The following GLG1 variants were observed in gnomAD, a reference collection of about 807,000 sequenced individuals.
GLG1 encodes golgi glycoprotein 1, also known as Golgi apparatus protein 1.
GLG1 carries 38 observed loss-of-function variants against 160.5 expected under a neutral mutation model. That is an observed-to-expected ratio of 0.24 (90% CI 0.18 to 0.31). The LOEUF is 0.31. GLG1 is among the 10% of genes least tolerant of loss of function. The pLI is 1.00. For synonymous variants in GLG1, 644 were observed against 543.4 expected (o/e 1.19, Z -2.57); for missense variants, 1,373 against 1,505.2 (o/e 0.91, Z 1.45).
intron 18 of GLG1, among the ~76,000 whole-genome samples, chr16:74,466,225 G>C (rs74490506): frequency 0.037 from 5,671 of 152,220 alleles, 129 homozygotes; most frequent in Middle Eastern, 0.058. Flanking sequence ...AAAGACTACT[G>C]GATGCTAGAT....
At chr16:74,509,531 T>C (rs964333504) in intron 2 of GLG1, among the ~76,000 whole-genome samples, 5 of 151,966 alleles carry the variant, frequency 3.3e-5, no homozygotes, top group African/African-American at 9.7e-5. Flanking sequence ...TTTCTAGGCA[T>C]ATTTATCTTC....
intron 12 of GLG1, 43 bp downstream of exon 12, chr16:74,477,353 C>T (rs761885706): frequency 4.8e-6 from 7 of 1,459,958 alleles, no homozygotes; most frequent in African/African-American, 4.2e-5. Context: ...TAAACATTAA[C>T]ATCATCATTA....
intron 9 of GLG1, 65 bp from the exon 10 acceptor site, chr16:74,483,189 A>T: frequency 1.1e-6 from 1 of 924,046 alleles, no homozygotes; most frequent in Non-Finnish European, 1.8e-6. Flanking sequence ...TCAATATAGT[A>T]TTTCCCTGGT....
chr16:74,475,119 T>C (rs1334878282), intron 12 of GLG1, among the ~76,000 whole-genome samples: 1 of 131,038 alleles, frequency 7.6e-6, no homozygotes, highest in Non-Finnish European at 1.5e-5. Flanking sequence ...ATCGTGCCAC[T>C]GCACTGCAGC....
intron 2 of GLG1, 73 bp from the exon 3 acceptor site, chr16:74,508,998 A>C: frequency 1.4e-6 from 1 of 701,168 alleles, no homozygotes; most frequent in Non-Finnish European, 2.6e-6. Context: ...TATCAACGTT[A>C]AATGACAAAA....
chr16:74,532,201 T>A lies in GLG1; in HGVS notation c.439-48A>T, dbSNP rs539619912. 66 of 667,076 alleles carry A rather than the reference T, an allele frequency of 9.9e-5. No individual in the cohort carries two copies. In the Admixed American group the frequency reaches 1.6e-3, roughly 16 times the overall value. The allele number at this position is 667,076 out of a possible 1,614,324, so 41.3% of individuals were successfully genotyped here. On this transcript the variant is annotated intron_variant, in intron 1 of 25. Coordinates refer to ENST00000422840, the MANE Select transcript of GLG1 (RefSeq NM_001145667.2). The stretch of plus-strand genomic sequence containing the variant: ...GATGATGTAAAAAAAAAAATATATA[T>A]ATATATATATAGAGAACCTTTCAAG...
intron 1 of GLG1, among the ~76,000 whole-genome samples, chr16:74,553,542 G>A (rs1220544237): frequency 2.1e-5 from 3 of 141,942 alleles, no homozygotes; most frequent in African/African-American, 5.2e-5. Context: ...GCACGATCTC[G>A]GCTCACTGCC....
At chr16:74,474,701 A>G in intron 12 of GLG1, 69 bp from the exon 13 acceptor site, 1 of 803,028 alleles carries the variant, frequency 1.2e-6, no homozygotes, top group Non-Finnish European at 2.3e-6. Flanking sequence ...GGGAGATATC[A>G]GCGTCATGAC....
intron 4 of GLG1, 22 bp from the exon 5 acceptor site, chr16:74,496,666 T>C: frequency 6.4e-7 from 1 of 1,551,588 alleles, no homozygotes; most frequent in Non-Finnish European, 8.9e-7. Context: ...AGGATATTAA[T>C]ATTTTAAAAC....
intron 10 of GLG1, among the ~76,000 whole-genome samples, chr16:74,482,743 A>G (rs1178046007): frequency 6.6e-6 from 1 of 152,208 alleles, no homozygotes; most frequent in African/African-American, 2.4e-5. Context: ...CATACTTCTT[A>G]CTAGACAGAT....
At chr16:74,513,088 C>A (rs1489268002) in intron 2 of GLG1, among the ~76,000 whole-genome samples, 2 of 152,078 alleles carry the variant, frequency 1.3e-5, no homozygotes, top group Non-Finnish European at 2.9e-5. Flanking sequence ...ACATTGAATA[C>A]CGCAGTTCAT....
intron 22 of GLG1, 65 bp from the exon 23 acceptor site, chr16:74,459,854 CTTTTTTTTTTTTA>C: frequency 1.6e-6 from 1 of 642,612 alleles, no homozygotes; most frequent in Non-Finnish European, 2.6e-6. Context: ...ACAGTTTCTT[CTTTTTTTTTTTTA>C]TTTTTTGAAA....
At chr16:74,474,363 G>T (rs922596865) in intron 13 of GLG1, 183 bp downstream of exon 13, 1 of 581,174 alleles carries the variant, frequency 1.7e-6, no homozygotes, top group Non-Finnish European at 3.1e-6. Context: ...AGAAATGAGG[G>T]AAGGAGCTCA....
intron 1 of GLG1, among the ~76,000 whole-genome samples, chr16:74,603,700 A>G (rs1317462255): frequency 6.6e-6 from 1 of 152,166 alleles, no homozygotes; most frequent in Admixed American, 6.6e-5. Flanking sequence ...TTTTAAAATG[A>G]CTGACAACAT....
chr16:74,485,059 A>C (rs1283274282), intron 9 of GLG1, among the ~76,000 whole-genome samples: 2 of 152,138 alleles, frequency 1.3e-5, no homozygotes. Context: ...GACTACAGGC[A>C]TGCACCACCA....
chr16:74,580,398 C>G (rs759465499), intron 1 of GLG1, among the ~76,000 whole-genome samples: 1 of 151,984 alleles, frequency 6.6e-6, no homozygotes, highest in Non-Finnish European at 1.5e-5. Flanking sequence ...ACTCAGGAGA[C>G]CAAGATGGGA....
intron 2 of GLG1, among the ~76,000 whole-genome samples, chr16:74,528,473 G>A (rs1173750001): frequency 6.6e-6 from 1 of 151,898 alleles, no homozygotes; most frequent in Non-Finnish European, 1.5e-5. Context: ...TTCTCTGCCT[G>A]CTTGTTGAGT....
chr16:74,576,418 C>T (rs2019005901), intron 1 of GLG1, among the ~76,000 whole-genome samples: 1 of 152,098 alleles, frequency 6.6e-6, no homozygotes, highest in East Asian at 1.9e-4. Context: ...GTTGCATGTA[C>T]ATTATATATT....
chr16:74,545,542 C>T (rs2018022468), intron 1 of GLG1, among the ~76,000 whole-genome samples: 2 of 152,172 alleles, frequency 1.3e-5, no homozygotes, highest in African/African-American at 4.8e-5. Flanking sequence ...CTGTTCCAGA[C>T]CCTAGTCTTT....
Sources: allele counts gnomAD v4.1 joint callset (sites outside exome capture counted in the v4.1 genomes callset), GRCh38; gene constraint gnomAD v4.1.1; transcripts MANE v1.5; gene names NCBI Gene and HGNC (gene_info 2026-07-23, HGNC 2026-07-21).